The following SLCO1C1 variants were observed in gnomAD, a reference collection of about 807,000 sequenced individuals.
SLCO1C1 encodes the protein solute carrier organic anion transporter family member 1C1.
SLCO1C1 carries 70 observed loss-of-function variants against 76.4 expected under a neutral mutation model. The observed-to-expected ratio is 0.92, with a 90% CI of 0.76 to 1.12. The LOEUF is 1.12. SLCO1C1 is among the 50% of genes most tolerant of loss of function. SLCO1C1 has a pLI of 0.00. For missense variants in SLCO1C1, 912 were observed against 823.8 expected, an observed-to-expected ratio of 1.11 and a Z score of -1.31; for synonymous variants, 306 against 286.1, an observed-to-expected ratio of 1.07 and a Z score of -0.70.
At chr12:20,697,623 G>T (rs1042964071) in intron 1 of SLCO1C1, 1 of 151,852 alleles carries the variant, frequency 6.6e-6, no homozygotes, top group Admixed American at 6.6e-5. Flanking sequence ...AATAGATGTC[G>T]AATTTTATCA....
At chr12:20,722,987 G>C (rs2120759643) in intron 8 of SLCO1C1, 103 bp from the exon 9 acceptor site, 2 of 992,762 alleles carry the variant, frequency 2.0e-6, no homozygotes, top group South Asian at 3.2e-5. Context: ...CTCCCAAACT[G>C]TGTGACAATG....
intron 9 of SLCO1C1, among the ~76,000 whole-genome samples, chr12:20,726,203 A>G (rs1181375368): frequency 2.0e-5 from 3 of 151,774 alleles, no homozygotes; most frequent in African/African-American, 7.3e-5. Flanking sequence ...TTCAATAAAT[A>G]TTATTTCTCT....
intron 9 of SLCO1C1, among the ~76,000 whole-genome samples, chr12:20,727,606 TTCAC>T (rs1399695309): frequency 1.3e-5 from 2 of 152,204 alleles, no homozygotes; most frequent in African/African-American, 4.8e-5. Flanking sequence ...GCCTCGCGGG[TTCAC>T]GCCATTCTCC....
At chr12:20,696,680 A>G (rs1473021440) in intron 1 of SLCO1C1, 1 of 152,160 alleles carries the variant, frequency 6.6e-6, no homozygotes, top group Non-Finnish European at 1.5e-5. Context: ...AAGTGGCCAG[A>G]GATCAATTAA....
Position 20,717,122 on chromosome 12 carries a change from C to CT in SLCO1C1, c.677-8dup. 1 of 1,567,222 alleles carries CT rather than the reference C, an allele frequency of 6.4e-7. No homozygotes were observed. Among genetic ancestry groups the CT allele is most frequent in the Non-Finnish European group, 8.6e-7 (1 of 1,160,938 alleles). On this transcript the variant is annotated splice_polypyrimidine_tract_variant and intron_variant, in intron 6 of 14. Coordinates refer to ENST00000266509, the MANE Select transcript of SLCO1C1 (RefSeq NM_017435.5). ...AGCTTTTTTTTTTTCCTTTTCTTTT[C>CT]TTGGTGCAGGGTGTGTGCAGACGGT...
intron 4 of SLCO1C1, among the ~76,000 whole-genome samples, chr12:20,706,496 C>CT (rs1214127988): frequency 6.6e-6 from 1 of 152,108 alleles, no homozygotes; most frequent in Admixed American, 6.5e-5. Flanking sequence ...TCAACTCAAA[C>CT]AAGTATTCAA....
Position 20,701,381 on chromosome 12 carries a change from A to T in SLCO1C1, c.193A>T (p.Ser65Cys). 6.4e-7 allele frequency: 1 copy of T among 1,556,178 alleles called. No homozygotes were observed. The highest frequency in any genetic ancestry group is 2.3e-5 in the East Asian group (1 of 43,716). ...AGCATTGGCAGAAGGCTATCTGAAGAGCACCATCACTCAGATAGAGAGAAG... is the reference window on the plus strand; with the variant it reads ...AGCATTGGCAGAAGGCTATCTGAAGTGCACCATCACTCAGATAGAGAGAAG... The part of the protein sequence containing the change: ...AKALAEGYLK[S>C]TITQIERRFD... The change falls in exon 3 of 15, where the codon AGC becomes TGC. Residue 65 changes from serine (S) to cysteine (C), a missense_variant. Physicochemically the swap from Ser to Cys is moderately radical, Grantham distance 112 (BLOSUM62 -1). Coordinates refer to ENST00000266509, the MANE Select transcript of SLCO1C1 (RefSeq NM_017435.5).
intron 12 of SLCO1C1, among the ~76,000 whole-genome samples, chr12:20,742,547 C>G (rs917242925): frequency 4.0e-5 from 6 of 149,674 alleles, no homozygotes; most frequent in African/African-American, 1.5e-4. Context: ...TATTTATTTA[C>G]TTTTTAGATG....
intron 13 of SLCO1C1, among the ~76,000 whole-genome samples, chr12:20,747,792 A>G (rs1949117372): frequency 6.6e-6 from 1 of 152,154 alleles, no homozygotes; most frequent in Non-Finnish European, 1.5e-5. Context: ...ATCATTTGTT[A>G]TTTAAAAATG....
chr12:20,719,912 C>T (rs1947573226), intron 7 of SLCO1C1, among the ~76,000 whole-genome samples: 1 of 152,194 alleles, frequency 6.6e-6, no homozygotes, highest in East Asian at 1.9e-4. Flanking sequence ...ATGAAATAGT[C>T]TTCTATTGGA....
Position 20,715,283 on chromosome 12 carries a change from T to C in SLCO1C1, c.674T>C (p.Ile225Thr), listed in dbSNP as rs777846283. Residue 225 changes from isoleucine (I) to threonine (T), a missense_variant and splice_region_variant, in exon 6 of 15, where the codon ATT becomes ACT. Transcript: ENST00000266509. ...FASEDNAAFY[I>T]GCVQTVAIIG... ...AGTGAAGACAATGCAGCTTTCTATA[T>C]TGGTAATATTGGCATATTGCTTCAC... 44 of 1,613,730 alleles carry C rather than the reference T, an allele frequency of 2.7e-5. No individual in the cohort carries two copies. Among genetic ancestry groups the C allele is most frequent in the Non-Finnish European group, 3.6e-5 (43 of 1,179,818 alleles).
chr12:20,709,211 A>G (rs553634562), intron 4 of SLCO1C1, among the ~76,000 whole-genome samples: 1 of 152,282 alleles, frequency 6.6e-6, no homozygotes, highest in African/African-American at 2.4e-5. Flanking sequence ...AAATAATTAC[A>G]CTTTTGTCTC....
chr12:20,704,393 T>C (rs1220537373), intron 3 of SLCO1C1, among the ~76,000 whole-genome samples: 1 of 151,766 alleles, frequency 6.6e-6, no homozygotes, highest in Non-Finnish European at 1.5e-5. Flanking sequence ...GAATTACCTA[T>C]AAAGTGAATG....
In SLCO1C1 at chr12:20,752,761, C is replaced by T. The variant is rs1374614795; in HGVS notation, c.*233C>T. 1 of 320,572 alleles carries T rather than the reference C, an allele frequency of 3.1e-6. No individual in the cohort carries two copies. Among genetic ancestry groups the T allele is most frequent in the Non-Finnish European group, 5.6e-6 (1 of 179,160 alleles). 19.9% of individuals were successfully genotyped at this position (320,572 alleles called of 1,614,324 possible). On this transcript the variant is annotated 3_prime_UTR_variant, in exon 15 of 15. Transcript: ENST00000266509. ...TTAATTTATATAAATTATTTTATAT[C>T]ACTTACTTATTTCACTTTATTTTGC...
intron 12 of SLCO1C1, among the ~76,000 whole-genome samples, chr12:20,740,787 T>TTTTATATATA (rs1217819863): frequency 2.7e-5 from 2 of 75,058 alleles, no homozygotes; most frequent in Non-Finnish European, 2.4e-5. Context: ...TTTATTTTAT[T>TTTTATATATA]TATATATATA....
At position 20,717,141 on chromosome 12, in the gene SLCO1C1, A is replaced by G; in HGVS notation, c.686A>G (p.Gln229Arg). ...DNAAFYIGCV[Q>R]TVAIIGPIFG... ...TCTTTTCTTGGTGCAGGGTGTGTGCAGACGGTTGCAATTATAGGACCAATC... is the reference window on the plus strand; with the variant it reads ...TCTTTTCTTGGTGCAGGGTGTGTGCGGACGGTTGCAATTATAGGACCAATC... Residue 229 changes from glutamine to arginine, a missense_variant, in exon 7 of 15, where the codon CAG becomes CGG. Transcript: ENST00000266509. 1 of 1,603,192 alleles carries G rather than the reference A, an allele frequency of 6.2e-7. No individual in the cohort carries two copies. The highest frequency in any genetic ancestry group is 8.5e-7 in the Non-Finnish European group (1 of 1,176,358).
At chr12:20,751,033 A>T (rs1949280103) in intron 14 of SLCO1C1, 2 of 752,902 alleles carry the variant, frequency 2.7e-6, no homozygotes, top group South Asian at 2.1e-5. Flanking sequence ...AAAATATGAC[A>T]AAAGTGTCCA....
rs1565541668 is a variant in SLCO1C1, at chr12:20,740,787, T to TATATATATATATATATA, written c.1733+419_1733+420insATATATATATATATATA. Among the ~76,000 whole-genome samples, 322 of 74,994 alleles carry TATATATATATATATATA rather than the reference T, an allele frequency of 4.3e-3. 27 individuals are homozygous for TATATATATATATATATA. The highest frequency in any genetic ancestry group is 5.8e-3 in the Non-Finnish European group (242 of 41,672). The allele number at this position is 74,994 out of a possible 152,430, so 49.2% of individuals were successfully genotyped here. On this transcript the variant is annotated intron_variant, in intron 12 of 14. Coordinates refer to ENST00000266509, the MANE Select transcript of SLCO1C1 (RefSeq NM_017435.5). ...ACAACAATGTTAGAATTTATTTTATTTATATATATATATATATATATATAT... is the reference window on the plus strand; with the variant it reads ...ACAACAATGTTAGAATTTATTTTATTATATATATATATATATATATATATATATATATATATATATAT...
chr12:20,740,089 T>C lies in SLCO1C1; in HGVS notation c.1549-95T>C, dbSNP rs112455944. ...AAAGAATATTTCCTCATTGTTTACA[T>C]AATGCATGGCTACGGTAAACATTTT... On this transcript the variant is annotated intron_variant, in intron 11 of 14. Transcript: ENST00000266509. 34 of 1,196,368 alleles carry C rather than the reference T, an allele frequency of 2.8e-5. 1 individual carries two copies. The African/African-American group carries it at 3.2e-4, about 11-fold the overall frequency. The allele number at this position is 1,196,368 out of a possible 1,614,324, so 74.1% of individuals were successfully genotyped here.
Sources: allele counts gnomAD v4.1 joint callset (sites outside exome capture counted in the v4.1 genomes callset), GRCh38; gene constraint gnomAD v4.1.1; transcripts MANE v1.5; gene names NCBI Gene and HGNC (gene_info 2026-07-23, HGNC 2026-07-21).